The following GRID2 variants were observed in gnomAD, a reference collection of about 807,000 sequenced individuals.
GRID2 encodes glutamate ionotropic receptor delta type subunit 2.
A neutral mutation model predicts 114.8 loss-of-function variants in GRID2; 33 were observed. The observed-to-expected ratio is 0.29, with a 90% CI of 0.22 to 0.38. The LOEUF (loss-of-function observed/expected upper bound fraction) is 0.38. GRID2 is among the 10% of genes least tolerant of loss of function. GRID2 has a pLI of 1.00. For missense variants in GRID2, 1,184 were observed against 1,257.7 expected, an observed-to-expected ratio of 0.94 and a Z score of 0.89; for synonymous variants, 505 against 449.9, an observed-to-expected ratio of 1.12 and a Z score of -1.55.
At chr4:93,625,037 T>A (rs1224817456) in intron 13 of GRID2, among the ~76,000 whole-genome samples, 1 of 151,984 alleles carries the variant, frequency 6.6e-6, no homozygotes, top group African/African-American at 2.4e-5. Flanking sequence ...CATGTGACAA[T>A]AGATTAATTT....
At chr4:92,611,088 A>G (rs1226317987) in intron 2 of GRID2, among the ~76,000 whole-genome samples, 1 of 136,024 alleles carries the variant, frequency 7.4e-6, no homozygotes, top group Non-Finnish European at 1.7e-5. Flanking sequence ...ATGTGTGTAT[A>G]TATATGTGTG....
At chr4:92,843,449 G>A (rs927419223) in intron 2 of GRID2, among the ~76,000 whole-genome samples, 1 of 152,050 alleles carries the variant, frequency 6.6e-6, no homozygotes, top group Admixed American at 6.6e-5. Context: ...GATGTCTGCT[G>A]TATCTGAAAT....
chr4:92,381,644 C>G (rs948748711), intron 1 of GRID2, among the ~76,000 whole-genome samples: 1 of 151,898 alleles, frequency 6.6e-6, no homozygotes, highest in Non-Finnish European at 1.5e-5. Flanking sequence ...TTTCTCTTTT[C>G]TAATGCATTC....
intron 1 of GRID2, among the ~76,000 whole-genome samples, chr4:92,583,766 T>G (rs2149204950): frequency 6.6e-6 from 1 of 150,434 alleles, no homozygotes; most frequent in South Asian, 2.1e-4. Flanking sequence ...GTACATTCAT[T>G]ACATATACAC....
intron 8 of GRID2, among the ~76,000 whole-genome samples, chr4:93,257,989 TATATATATATACACACACACACAC>T (rs1423042431): frequency 2.1e-4 from 27 of 130,864 alleles, no homozygotes; most frequent in African/African-American, 8.4e-4. Context: ...TATATATATA[TATATATATATACACACACACACAC>T]ACACACACAC....
chr4:93,688,369 T>G (rs989832130), intron 14 of GRID2, among the ~76,000 whole-genome samples: 2 of 151,908 alleles, frequency 1.3e-5, no homozygotes, highest in Non-Finnish European at 2.9e-5. Context: ...CTTGCTAGAA[T>G]TAATTAACAA....
intron 1 of GRID2, among the ~76,000 whole-genome samples, chr4:92,478,434 T>G (rs1722421258): frequency 6.6e-6 from 1 of 152,124 alleles, no homozygotes; most frequent in African/African-American, 2.4e-5. Context: ...TTATGCATCT[T>G]AATGATAGAA....
intron 2 of GRID2, among the ~76,000 whole-genome samples, chr4:93,017,651 C>A (rs1317686976): frequency 6.6e-6 from 1 of 151,394 alleles, no homozygotes; most frequent in African/African-American, 2.4e-5. Flanking sequence ...ACTAGAAATA[C>A]AAAAATTAAC....
chr4:93,561,077 G>T (rs1560754705), intron 13 of GRID2, among the ~76,000 whole-genome samples: 4 of 152,002 alleles, frequency 2.6e-5, no homozygotes. Flanking sequence ...TAAATGATAT[G>T]ATGTTTGAGA....
In GRID2 at chr4:93,497,316, A is replaced by G. The variant is rs560675308; in HGVS notation, c.1997+6539A>G. Among the ~76,000 whole-genome samples the G allele has an allele frequency of 2.0e-5, 3 of 151,706 alleles. No homozygotes were observed. The South Asian group carries it at 6.2e-4, about 31-fold the overall frequency. Reference sequence around the variant, plus strand: ...TATTTTCTCCTAGTCTGTAGCTTGTATTTTCATCCTCTTTATAGGGTTCAT... The same window carrying G: ...TATTTTCTCCTAGTCTGTAGCTTGTGTTTTCATCCTCTTTATAGGGTTCAT... On this transcript the variant is annotated intron_variant, in intron 12 of 15. Coordinates refer to ENST00000282020, the MANE Select transcript of GRID2 (RefSeq NM_001510.4).
chr4:93,358,366 T>A (rs1161765773), intron 8 of GRID2, among the ~76,000 whole-genome samples: 1 of 151,968 alleles, frequency 6.6e-6, no homozygotes, highest in Non-Finnish European at 1.5e-5. Flanking sequence ...TGGTACATTT[T>A]AATAAGTTAA....
intron 8 of GRID2, among the ~76,000 whole-genome samples, chr4:93,382,930 T>C (rs542197928): frequency 1.5e-4 from 23 of 151,834 alleles, no homozygotes; most frequent in African/African-American, 5.6e-4. Flanking sequence ...TTCTAAATGT[T>C]GTAGACTAGA....
intron 4 of GRID2, among the ~76,000 whole-genome samples, chr4:93,140,408 T>C (rs1369609269): frequency 6.6e-6 from 1 of 152,302 alleles, no homozygotes; most frequent in South Asian, 2.1e-4. Context: ...TCCGCCTGCC[T>C]AGGCCTCCCA....
intron 8 of GRID2, among the ~76,000 whole-genome samples, chr4:93,265,589 C>T (rs1042603969): frequency 6.6e-6 from 1 of 152,060 alleles, no homozygotes; most frequent in Admixed American, 6.6e-5. Context: ...AGAAACATTA[C>T]CAAACTTCTA....
intron 13 of GRID2, among the ~76,000 whole-genome samples, chr4:93,567,255 A>G (rs1735516559): frequency 6.6e-6 from 1 of 152,160 alleles, no homozygotes; most frequent in Admixed American, 6.5e-5. Flanking sequence ...ATTTCCCCCC[A>G]CATTCCTATT....
At chr4:93,220,704 T>G (rs975415796) in intron 6 of GRID2, among the ~76,000 whole-genome samples, 22 of 152,136 alleles carry the variant, frequency 1.4e-4, no homozygotes, top group African/African-American at 5.3e-4. Context: ...GGGTTTCTTT[T>G]GTCCAGAGTT....
At chr4:93,763,996 T>C (rs1367285402) in intron 14 of GRID2, among the ~76,000 whole-genome samples, 1 of 152,176 alleles carries the variant, frequency 6.6e-6, no homozygotes, top group African/African-American at 2.4e-5. Flanking sequence ...GAGTGACCTA[T>C]GTGGGATTAG....
At chr4:93,653,440 T>C (rs1352856072) in intron 14 of GRID2, among the ~76,000 whole-genome samples, 2 of 152,186 alleles carry the variant, frequency 1.3e-5, no homozygotes, top group Admixed American at 6.5e-5. Context: ...TAATTCACAC[T>C]TCTAAGAAGA....
chr4:93,294,207 CA>C (rs35041931), intron 8 of GRID2, among the ~76,000 whole-genome samples: 109,292 of 151,698 alleles, frequency 0.72, 40,191 homozygotes, highest in African/African-American at 0.86. Flanking sequence ...GTTTGCTCCA[CA>C]AAAAAACGAA....
Sources: allele counts gnomAD v4.1 joint callset (sites outside exome capture counted in the v4.1 genomes callset), GRCh38; gene constraint gnomAD v4.1.1; transcripts MANE v1.5; gene names NCBI Gene and HGNC (gene_info 2026-07-23, HGNC 2026-07-21).